The following TNIP1 variants were observed in gnomAD, a reference collection of about 807,000 sequenced individuals.
The protein encoded by TNIP1 is TNFAIP3 interacting protein 1.
Under a neutral mutation model 86.6 loss-of-function variants are expected in TNIP1, and 22 were observed. That is an observed-to-expected ratio of 0.25 (90% CI 0.18 to 0.36). The LOEUF is 0.36. Among genes scored for constraint, TNIP1 ranks in the 10% least tolerant of loss-of-function variants. TNIP1 has a pLI of 1.00. For missense variants in TNIP1, 709 were observed against 820.6 expected, an observed-to-expected ratio of 0.86 and a Z score of 1.66; for synonymous variants, 294 against 313.0, an observed-to-expected ratio of 0.94 and a Z score of 0.64.
At chr5:151,034,823 T>TGTTGTGGCATTGTGGGC (rs1757488367) in intron 15 of TNIP1, 179 bp downstream of exon 15, 3 of 652,474 alleles carry the variant, frequency 4.6e-6, no homozygotes, top group African/African-American at 1.8e-5. Context: ...TGATGACAGC[T>TGTTGTGGCATTGTGGGC]AATACATTGT....
chr5:151,031,724 C>T (rs1381134324), intron 17 of TNIP1, among the ~76,000 whole-genome samples: 1 of 152,196 alleles, frequency 6.6e-6, no homozygotes, highest in East Asian at 1.9e-4. Context: ...TCCAGCCACG[C>T]TGGTCTTCCC....
intron 1 of TNIP1, among the ~76,000 whole-genome samples, chr5:151,086,093 C>G (rs541500985): frequency 2.0e-5 from 3 of 152,258 alleles, no homozygotes; most frequent in South Asian, 4.2e-4. Context: ...TTTGGATGAA[C>G]TGGCCTTTCT....
At chr5:151,050,179 T>C (rs958303132) in intron 7 of TNIP1, among the ~76,000 whole-genome samples, 4 of 152,256 alleles carry the variant, frequency 2.6e-5, no homozygotes, top group Non-Finnish European at 5.9e-5. Flanking sequence ...GGAATTTCTA[T>C]GCACACAAGA....
chr5:151,052,363 A>G (rs1760058066), intron 6 of TNIP1, 104 bp from the exon 7 acceptor site: 2 of 915,216 alleles, frequency 2.2e-6, no homozygotes, highest in Non-Finnish European at 3.4e-6. Context: ...CCAGGGCCCA[A>G]CTCCTTATCC....
intron 9 of TNIP1, among the ~76,000 whole-genome samples, chr5:151,044,275 C>A (rs1275509125): frequency 6.6e-6 from 1 of 152,038 alleles, no homozygotes; most frequent in Non-Finnish European, 1.5e-5. Flanking sequence ...CTCCTGGTTG[C>A]AAGTAATCTT....
At chr5:151,079,868 C>A (rs1763809524) in intron 1 of TNIP1, among the ~76,000 whole-genome samples, 1 of 152,060 alleles carries the variant, frequency 6.6e-6, no homozygotes, top group Non-Finnish European at 1.5e-5. Context: ...GCCGAATTCC[C>A]CTCTATCACA....
chr5:151,035,006 G>C lies in TNIP1; in HGVS notation c.1583C>G (p.Ala528Gly). The C allele has an allele frequency of 1.9e-6, 3 of 1,614,098 alleles. No homozygotes were observed. The highest frequency in any genetic ancestry group is 2.5e-6 in the Non-Finnish European group (3 of 1,179,996). ...ACCTCCCTCAAGCCTCCTCACCTTTGCTTTCCTCTTCTGCTGTCTGAGGGC... is the reference window on the plus strand; with the variant it reads ...ACCTCCCTCAAGCCTCCTCACCTTTCCTTTCCTCTTCTGCTGTCTGAGGGC... ...REALRQQKRKAKASGERYHVE... is the reference protein window; with the variant it reads ...REALRQQKRKGKASGERYHVE... Residue 528 changes from alanine (A) to glycine (G), a missense_variant, in exon 15 of 18, where the codon GCA becomes GGA. Physicochemically the swap from Ala to Gly is moderately conservative, Grantham distance 60. Coordinates refer to ENST00000521591, the MANE Select transcript of TNIP1 (RefSeq NM_006058.5).
At chr5:151,060,171 A>G in intron 5 of TNIP1, 147 bp downstream of exon 5, 1 of 755,796 alleles carries the variant, frequency 1.3e-6, no homozygotes, top group Non-Finnish European at 2.2e-6. Context: ...AGCGAGAAGC[A>G]CCCTTTGCTC....
intron 8 of TNIP1, among the ~76,000 whole-genome samples, chr5:151,048,542 A>T: frequency 6.6e-6 from 1 of 152,184 alleles, no homozygotes; most frequent in East Asian, 1.9e-4. Context: ...ACATGCCTCT[A>T]ATGAGACAGG....
intron 1 of TNIP1, among the ~76,000 whole-genome samples, chr5:151,068,238 T>C (rs1274757997): frequency 1.3e-5 from 2 of 152,146 alleles, no homozygotes; most frequent in African/African-American, 2.4e-5. Flanking sequence ...AAACAGGGAA[T>C]TTCCAAGTTC....
intron 1 of TNIP1, among the ~76,000 whole-genome samples, chr5:151,074,528 A>G (rs1581921031): frequency 6.6e-6 from 1 of 152,120 alleles, no homozygotes; most frequent in Non-Finnish European, 1.5e-5. Context: ...ATGAGGACCA[A>G]GTAGGAACCA....
At chr5:151,066,227 G>A (rs763526851) in intron 1 of TNIP1, among the ~76,000 whole-genome samples, 31 of 152,230 alleles carry the variant, frequency 2.0e-4, no homozygotes, top group Non-Finnish European at 3.8e-4. Context: ...GCCAAGACCT[G>A]AAAGAGGTGA....
At chr5:151,033,426 T>C (rs966488678) in intron 16 of TNIP1, 182 bp downstream of exon 16, 2 of 442,954 alleles carry the variant, frequency 4.5e-6, no homozygotes, top group African/African-American at 2.0e-5. Flanking sequence ...TGCGGGACTG[T>C]GGCCAGATCC....
chr5:151,053,341 C>T (rs931141841), intron 6 of TNIP1, among the ~76,000 whole-genome samples: 2 of 152,046 alleles, frequency 1.3e-5, no homozygotes, highest in Non-Finnish European at 2.9e-5. Context: ...AACTCCTGAC[C>T]TCAAGTGATC....
intron 3 of TNIP1, among the ~76,000 whole-genome samples, chr5:151,063,197 C>T (rs10073696): frequency 0.029 from 4,479 of 152,280 alleles, 229 homozygotes; most frequent in African/African-American, 0.1. Context: ...GTAAAATGGA[C>T]GCGCAGGGCA....
At chr5:151,063,390 G>GC in intron 3 of TNIP1, among the ~76,000 whole-genome samples, 1 of 152,210 alleles carries the variant, frequency 6.6e-6, no homozygotes, top group Admixed American at 6.5e-5. Flanking sequence ...TGGGGCCTCA[G>GC]GAGTGCTGAG....
At chr5:151,053,751 G>C (rs1446698762) in intron 6 of TNIP1, among the ~76,000 whole-genome samples, 1 of 152,184 alleles carries the variant, frequency 6.6e-6, no homozygotes, top group Non-Finnish European at 1.5e-5. Context: ...CTTCCTCAAA[G>C]CTAAGTAACT....
chr5:151,048,258 G>C lies in TNIP1; in HGVS notation c.846+1566C>G, dbSNP rs562061961. 2.6e-5 allele frequency among the ~76,000 whole-genome samples: 4 copies of C among 152,330 alleles called. No individual in the cohort carries two copies. In the East Asian group the frequency reaches 5.8e-4, roughly 22 times the overall value. ...CTCCGCGAGGGAGAGAGGAGTCCAC[G>C]TGGAGTCAGCAGAGCTGGCTGCTGG... On this transcript the variant is annotated intron_variant, in intron 8 of 17. Coordinates refer to ENST00000521591, the MANE Select transcript of TNIP1 (RefSeq NM_006058.5).
In TNIP1 at chr5:151,036,878, G is replaced by A. The variant is rs935666895; in HGVS notation, c.1307C>T (p.Pro436Leu). Residue 436 changes from proline (P) to leucine (L), a missense_variant, in exon 13 of 18, where the codon CCA (proline) becomes CTA (leucine). Physicochemically the swap from Pro to Leu is moderately conservative, Grantham distance 98. Transcript: ENST00000521591. ...TTCTGGGCTCCCAAATGCTGTTGGT[G>A]GAGATGATGGCGGGGTTTGGATGCT... ...ALSIQTPPSS[P>L]PTAFGSPEGA... is the part of the protein sequence containing the mutation. 3.7e-6 allele frequency: 6 copies of A among 1,612,880 alleles called. No homozygotes were observed. Among genetic ancestry groups the A allele is most frequent in the Non-Finnish European group, 5.1e-6 (6 of 1,179,366 alleles).
Sources: gnomAD v4.1 joint callset for allele counts (sites outside exome capture counted in the v4.1 genomes callset) on GRCh38, gnomAD v4.1.1 for gene constraint, MANE v1.5 for transcripts, NCBI Gene and HGNC (gene_info 2026-07-23, HGNC 2026-07-21) for gene names.